Variants in DDX17 observed in about 807,000 individuals in gnomAD.
DDX17 encodes the protein probable ATP-dependent RNA helicase DDX17.
In DDX17, 10 loss-of-function variants were observed where a neutral mutation model predicts 80.8. That is an observed-to-expected ratio of 0.12 (90% confidence interval 0.08 to 0.21). DDX17 has a LOEUF of 0.21. DDX17 is among the 10% of genes least tolerant of loss of function. DDX17 has a pLI of 1.00. For synonymous variants in DDX17, 339 were observed against 336.2 expected, an observed-to-expected ratio of 1.01 and a Z score of -0.09; for missense variants, 586 against 957.4, an observed-to-expected ratio of 0.61 and a Z score of 5.12.
At position 38,492,170 on chromosome 22, in the gene DDX17, G is replaced by C. The variant is rs79876278; in HGVS notation, c.1388-55C>G. On this transcript the variant is annotated intron_variant, in intron 10 of 12. Transcript: ENST00000403230. ...ATAAGCATTCCTTGCTATCTGATCT[G>C]TTTACATAACCATGTTAAAATTTCA... 3.1e-4 allele frequency: 443 copies of C among 1,438,850 alleles called. 7 individuals carry two copies. In the South Asian group the frequency reaches 5.0e-3, roughly 16 times the overall value. 89.1% of individuals were successfully genotyped at this position (1,438,850 alleles called of 1,614,324 possible). A position where few individuals can be genotyped will look rare whatever the true frequency, so the allele number is the denominator to read the frequency against.
In DDX17 at chr22:38,485,021, C is replaced by CT. The variant is rs1306093178; in HGVS notation, c.*913dup. 2 of 152,178 alleles carry CT rather than the reference C, an allele frequency of 1.3e-5. No homozygotes were observed. Among genetic ancestry groups the CT allele is most frequent in the African/African-American group, 2.4e-5 (1 of 41,422 alleles). 9.4% of individuals were successfully genotyped at this position (152,178 alleles called of 1,614,324 possible). On this transcript the variant is annotated 3_prime_UTR_variant, in exon 13 of 13. Coordinates refer to ENST00000403230, the MANE Select transcript of DDX17 (RefSeq NM_006386.5). ...AATATATTGTTTATAATTAAATGTG[C>CT]TTTTTACACTGCAGGTCAATATAAA...
chr22:38,498,664 G>A, intron 3 of DDX17, 91 bp from the exon 4 acceptor site: 1 of 1,373,074 alleles, frequency 7.3e-7, no homozygotes, highest in Non-Finnish European at 1.0e-6. Flanking sequence ...CTGAAGATAA[G>A]ATTTACCCAG....
At position 38,494,080 on chromosome 22, in the gene DDX17, T is replaced by C. The variant is rs765129582; in HGVS notation, c.1266A>G (p.Ile422Met). 1.2e-6 allele frequency: 2 copies of C among 1,614,136 alleles called. No homozygotes were observed. Among genetic ancestry groups the C allele is most frequent in the Non-Finnish European group, 8.5e-7 (1 of 1,180,002 alleles). ...AGCGTCTCTTTGTCTCCACAAATATTATTGTTTTGTTTTCCTTTTCAGCCA... is the reference window on the plus strand; with the variant it reads ...AGCGTCTCTTTGTCTCCACAAATATCATTGTTTTGTTTTCCTTTTCAGCCA... Residue 422 changes from isoleucine to methionine, a missense_variant, in exon 9 of 13, where the codon ATA (isoleucine) becomes ATG (methionine). Coordinates refer to ENST00000403230, the MANE Select transcript of DDX17 (RefSeq NM_006386.5).
intron 11 of DDX17, chr22:38,491,760 G>A (rs1384507210): frequency 3.4e-6 from 1 of 297,986 alleles, no homozygotes; most frequent in Admixed American, 5.1e-5. Context: ...TCAGCTGTCT[G>A]TCTCCTCTCC....
rs149640253 is a variant in DDX17, at chr22:38,502,684, T to C, written c.288-1404A>G. Among the ~76,000 whole-genome samples, 8 of 152,340 alleles carry C rather than the reference T, an allele frequency of 5.3e-5. No individual in the cohort carries two copies. The East Asian group carries it at 1.2e-3, about 22-fold the overall frequency. ...ATATTTAAGAAATCAGAAGCTACTTTTCCTAGAAGAATCTTAACACTAAGA... is the reference window on the plus strand; with the variant it reads ...ATATTTAAGAAATCAGAAGCTACTTCTCCTAGAAGAATCTTAACACTAAGA... On this transcript the variant is annotated intron_variant, in intron 1 of 12. Coordinates refer to ENST00000403230, the MANE Select transcript of DDX17 (RefSeq NM_006386.5).
chr22:38,505,940 C>T lies in DDX17; in HGVS notation c.287+11G>A. Reference sequence around the variant, plus strand: ...CCACGCCAGGCCTCTCCTCTCCTCCCCCACCCTTACCCTCCACGGTCACGA... The same window carrying T: ...CCACGCCAGGCCTCTCCTCTCCTCCTCCACCCTTACCCTCCACGGTCACGA... On this transcript the variant is annotated intron_variant, in intron 1 of 12. Transcript: ENST00000403230. The T allele has an allele frequency of 6.4e-7, 1 of 1,562,952 alleles. No homozygotes were observed. The highest frequency in any genetic ancestry group is 8.7e-7 in the Non-Finnish European group (1 of 1,154,080).
chr22:38,491,987 A>T, intron 11 of DDX17, 69 bp downstream of exon 11: 1 of 1,164,328 alleles, frequency 8.6e-7, no homozygotes, highest in South Asian at 1.5e-5. Flanking sequence ...TGAAGTCTGA[A>T]TTTGAAATGA....
Position 38,489,913 on chromosome 22 carries a change from G to A in DDX17, c.1448-1798C>T. ...ATAATGCTCCTTATGCAATCCCACT[G>A]CATATGACCATGGCAGTAGAACAAG... On this transcript the variant is annotated intron_variant, in intron 11 of 12. Transcript: ENST00000403230. This position sits in a 1 kb window ranked among gnomAD's most constrained non-coding sequence, Gnocchi z 4.6. The A allele has an allele frequency of 1.0e-6, 1 of 993,346 alleles. No homozygotes were observed. 61.5% of individuals were successfully genotyped at this position (993,346 alleles called of 1,614,324 possible).
rs1334299339 is a variant in DDX17, at chr22:38,483,553, C to T, written c.*2382G>A. The T allele has an allele frequency of 6.6e-6, 1 of 152,618 alleles. No homozygotes were observed. The highest frequency in any genetic ancestry group is 1.5e-5 in the Non-Finnish European group (1 of 68,038). 9.5% of individuals were successfully genotyped at this position (152,618 alleles called of 1,614,324 possible). A position where few individuals can be genotyped will look rare whatever the true frequency, so the allele number is the denominator to read the frequency against. On this transcript the variant is annotated 3_prime_UTR_variant, in exon 13 of 13. Transcript: ENST00000403230. Reference sequence around the variant, plus strand: ...TAGCTTTCAGCATCCTGTGCCTGAACATCACACATCTACAAGTCTTTCAAG... The same window carrying T: ...TAGCTTTCAGCATCCTGTGCCTGAATATCACACATCTACAAGTCTTTCAAG...
intron 2 of DDX17, among the ~76,000 whole-genome samples, chr22:38,500,869 G>A (rs187799): frequency 1.5e-5 from 2 of 135,532 alleles, no homozygotes; most frequent in African/African-American, 5.5e-5. Flanking sequence ...AGTGGCTCAC[G>A]CCTGTAATCC....
At chr22:38,492,011 C>A in intron 11 of DDX17, 45 bp downstream of exon 11, 2 of 1,366,528 alleles carry the variant, frequency 1.5e-6, no homozygotes, top group South Asian at 1.4e-5. Flanking sequence ...ATCTTTAAAC[C>A]AAAAGATACA....
In DDX17 at chr22:38,495,082, AG is replaced by A. The variant is rs752821078; in HGVS notation, c.881-37del. 79 of 1,593,640 alleles carry A rather than the reference AG, an allele frequency of 5.0e-5. 1 individual carries two copies. The highest frequency in any genetic ancestry group is 4.9e-4 in the East Asian group (22 of 44,734). ...AAACCAATGATCGAGCCAATCGACT[AG>A]GTGCAGTGGCTCACAGCTGTGTTCT... On this transcript the variant is annotated intron_variant, in intron 6 of 12. Coordinates refer to ENST00000403230, the MANE Select transcript of DDX17 (RefSeq NM_006386.5).
chr22:38,486,219 C>A lies in DDX17; in HGVS notation c.1906G>T (p.Gly636Cys). The A allele has an allele frequency of 6.2e-7, 1 of 1,614,110 alleles. No homozygotes were observed. ...GCAGCTGCCCCATAGGTGCCTTGAC[C>A]ATAGGTGTATTGGCCTGCTTGTGCT... The change falls in exon 13 of 13, where the codon GGT (glycine) becomes TGT (cysteine). Residue 636 changes from glycine to cysteine, a missense_variant. Transcript: ENST00000403230.
intron 6 of DDX17, among the ~76,000 whole-genome samples, chr22:38,495,258 T>TTC (rs1235221648): frequency 4.7e-5 from 7 of 150,458 alleles, no homozygotes; most frequent in African/African-American, 1.7e-4. Context: ...TTTTTTTTTT[T>TTC]TTTTTGAGAT....
chr22:38,486,677 T>TA (rs1226634267), intron 12 of DDX17, among the ~76,000 whole-genome samples: 8 of 152,172 alleles, frequency 5.3e-5, no homozygotes, highest in Admixed American at 5.2e-4. Flanking sequence ...TTAGGCCCCT[T>TA]ACTTGAGGAT....
At chr22:38,495,761 T>A (rs200649076) in intron 6 of DDX17, 35 bp downstream of exon 6, 15 of 1,443,864 alleles carry the variant, frequency 1.0e-5, no homozygotes, top group African/African-American at 1.4e-5. Context: ...TAAAGTAAGA[T>A]AAACTAACAA....
At chr22:38,490,464 C>A in intron 11 of DDX17, 1 of 1,287,546 alleles carries the variant, frequency 7.8e-7, no homozygotes, top group Non-Finnish European at 1.0e-6. Flanking sequence ...AAAATAAATT[C>A]AATACTTTTA....
chr22:38,487,028 C>T (rs112333282), intron 12 of DDX17, among the ~76,000 whole-genome samples: 90 of 152,200 alleles, frequency 5.9e-4, no homozygotes, highest in African/African-American at 2.2e-3. Context: ...ATTAGCTGGA[C>T]ATGGTGGCAC....
chr22:38,501,299 G>A lies in DDX17; in HGVS notation c.288-19C>T. On this transcript the variant is annotated intron_variant, in intron 1 of 12. Coordinates refer to ENST00000403230, the MANE Select transcript of DDX17 (RefSeq NM_006386.5). ...TCCAAATCTAGGAACAGAATTTTTA[G>A]TTAGTTCATCAGTATTTTTAAAGCA... 6.3e-7 allele frequency: 1 copy of A among 1,599,592 alleles called. No individual in the cohort carries two copies. The highest frequency in any genetic ancestry group is 8.5e-7 in the Non-Finnish European group (1 of 1,174,048).
Sources: gnomAD v4.1 joint callset for allele counts (sites outside exome capture counted in the v4.1 genomes callset) on GRCh38, gnomAD v4.1.1 for gene constraint, Gnocchi (gnomAD v3.1) non-coding constraint, MANE v1.5 for transcripts, NCBI Gene and HGNC (gene_info 2026-07-23, HGNC 2026-07-21) for gene names.